SLC4A4: variants seen among roughly 807,000 people sequenced by gnomAD.
SLC4A4 encodes the protein solute carrier family 4 member 4, also known as electrogenic sodium bicarbonate cotransporter 1.
SLC4A4 carries 27 observed loss-of-function variants against 111.5 expected under a neutral mutation model. The observed-to-expected ratio is 0.24, with a 90% CI of 0.18 to 0.33. The LOEUF is 0.33. Among genes scored for constraint, SLC4A4 ranks in the 10% least tolerant of loss-of-function variants. The pLI, the probability that SLC4A4 is intolerant of heterozygous loss-of-function variation, is 1.00. For synonymous variants in SLC4A4, 443 were observed against 463.4 expected, an observed-to-expected ratio of 0.96 and a Z score of 0.57; for missense variants, 909 against 1,315.5, an observed-to-expected ratio of 0.69 and a Z score of 4.78.
In SLC4A4 at chr4:71,198,203, A is replaced by G. The variant is rs554263051; in HGVS notation, c.-2+10802A>G. Among the ~76,000 whole-genome samples, 5 of 152,324 alleles carry G rather than the reference A, an allele frequency of 3.3e-5. No individual in the cohort carries two copies. The South Asian group carries it at 1.0e-3, about 32-fold the overall frequency. The stretch of plus-strand genomic sequence containing the variant: ...GTTAGGTGCATGTCATTACCTTACA[A>G]TATATGTGAAAGCACAATATATTGA... On this transcript the variant is annotated intron_variant, in intron 1 of 25. Transcript: ENST00000264485.
chr4:71,411,847 G>A (rs1706333388), intron 7 of SLC4A4, among the ~76,000 whole-genome samples: 1 of 152,166 alleles, frequency 6.6e-6, no homozygotes, highest in Admixed American at 6.5e-5. Flanking sequence ...GCCTAGTGAT[G>A]TTGCTGTAAG....
rs767494876 is a variant in SLC4A4 at position 71,138,845 on chromosome 4, C to A, written c.-2+46053C>A. 4.0e-5 allele frequency among the ~76,000 whole-genome samples: 6 copies of A among 151,842 alleles called. No individual in the cohort carries two copies. In the South Asian group the frequency reaches 6.3e-4, roughly 16 times the overall value. On this transcript the variant is annotated intron_variant, in intron 2 of 26. Transcript: ENST00000649996. ...AGGTCAGGAGATTGAGACCATTCTGCCTAACACGGTGAAACCCTGTCTCTA... is the reference window on the plus strand; with the variant it reads ...AGGTCAGGAGATTGAGACCATTCTGACTAACACGGTGAAACCCTGTCTCTA...
chr4:71,119,013 A>G (rs1318774683), intron 2 of SLC4A4, among the ~76,000 whole-genome samples: 1 of 150,446 alleles, frequency 6.6e-6, no homozygotes, highest in Non-Finnish European at 1.5e-5. Context: ...GTCTAAACCC[A>G]TAGCAAGCAT....
intron 3 of SLC4A4, among the ~76,000 whole-genome samples, chr4:71,280,501 A>C (rs1049262744): frequency 2.6e-5 from 4 of 152,100 alleles, no homozygotes; most frequent in Admixed American, 2.6e-4. Flanking sequence ...TTTTGTTTTC[A>C]TCTAGGAGTT....
intron 3 of SLC4A4, among the ~76,000 whole-genome samples, chr4:71,295,677 T>TTA (rs1560386577): frequency 4.0e-5 from 6 of 151,784 alleles, no homozygotes; most frequent in African/African-American, 1.2e-4. Flanking sequence ...TCTTTTTTTT[T>TTA]ACATGGAGTC....
At chr4:71,074,515 CA>C in intron 1 of SLC4A4, among the ~76,000 whole-genome samples, 1 of 151,420 alleles carries the variant, frequency 6.6e-6, no homozygotes, top group Non-Finnish European at 1.5e-5. Context: ...CAAGGTCTTT[CA>C]AAAAAGCAGT....
intron 1 of SLC4A4, among the ~76,000 whole-genome samples, chr4:71,084,642 A>T (rs1742102981): frequency 6.6e-6 from 1 of 151,990 alleles, no homozygotes; most frequent in Non-Finnish European, 1.5e-5. Context: ...CCTCTGAGTA[A>T]GAACATGCGG....
chr4:71,418,862 G>T (rs1180295313), intron 7 of SLC4A4, among the ~76,000 whole-genome samples: 1 of 152,124 alleles, frequency 6.6e-6, no homozygotes, highest in African/African-American at 2.4e-5. Context: ...ATGTACAGAC[G>T]GGTTTTTGGT....
At chr4:71,293,404 A>T (rs1216212581) in intron 3 of SLC4A4, among the ~76,000 whole-genome samples, 1 of 151,592 alleles carries the variant, frequency 6.6e-6, no homozygotes, top group Non-Finnish European at 1.5e-5. Context: ...CTCTACTAAA[A>T]ATACCAAAAT....
intron 2 of SLC4A4, among the ~76,000 whole-genome samples, chr4:71,102,135 A>G (rs1409883532): frequency 6.6e-6 from 1 of 152,200 alleles, no homozygotes; most frequent in Non-Finnish European, 1.5e-5. Flanking sequence ...CAGAAGCCTC[A>G]GGAGCAGATG....
At chr4:71,249,118 A>C (rs1327613232) in intron 2 of SLC4A4, among the ~76,000 whole-genome samples, 2 of 152,094 alleles carry the variant, frequency 1.3e-5, no homozygotes, top group East Asian at 3.9e-4. Context: ...GGTTGCCTTG[A>C]GGATTTCTGG....
chr4:71,392,590 G>A (rs926179363), intron 6 of SLC4A4, among the ~76,000 whole-genome samples: 22 of 152,074 alleles, frequency 1.4e-4, no homozygotes, highest in African/African-American at 4.1e-4. Flanking sequence ...TTGGTCAGGC[G>A]TATTCAAAGA....
At chr4:71,069,460 T>G (rs1294841188) in intron 1 of SLC4A4, among the ~76,000 whole-genome samples, 1 of 152,174 alleles carries the variant, frequency 6.6e-6, no homozygotes, top group Admixed American at 6.5e-5. Context: ...TTGATAACAC[T>G]CTTGACAGGC....
intron 5 of SLC4A4, among the ~76,000 whole-genome samples, chr4:71,356,613 T>C (rs1339612253): frequency 6.6e-6 from 1 of 152,228 alleles, no homozygotes; most frequent in African/African-American, 2.4e-5. Context: ...ATCTCATTAC[T>C]TTTAATTTTC....
intron 3 of SLC4A4, among the ~76,000 whole-genome samples, chr4:71,262,280 A>T (rs2149069413): frequency 6.6e-6 from 1 of 152,330 alleles, no homozygotes; most frequent in Admixed American, 6.5e-5. Context: ...TCAGGGCTTT[A>T]TGAGTGTGAA....
At chr4:71,531,826 GAA>G (rs5859267) in intron 16 of SLC4A4, among the ~76,000 whole-genome samples, 3,248 of 147,714 alleles carry the variant, frequency 0.022, 82 homozygotes, top group Middle Eastern at 0.029. Flanking sequence ...GAGAGAGAGA[GAA>G]AGAGCGAGCG....
At chr4:71,173,814 A>G (rs192053516) in intron 2 of SLC4A4, among the ~76,000 whole-genome samples, 1 of 152,350 alleles carries the variant, frequency 6.6e-6, no homozygotes, top group African/African-American at 2.4e-5. Context: ...GGGAGTTCTG[A>G]TAGACATATA....
intron 4 of SLC4A4, among the ~76,000 whole-genome samples, chr4:71,340,466 A>G (rs1002775577): frequency 7.9e-5 from 12 of 152,192 alleles, no homozygotes; most frequent in South Asian, 4.1e-4. Context: ...TAATTTACAA[A>G]TTAAACTTTA....
intron 7 of SLC4A4, among the ~76,000 whole-genome samples, chr4:71,424,590 C>T (rs1038020938): frequency 1.3e-5 from 2 of 151,944 alleles, no homozygotes; most frequent in African/African-American, 4.8e-5. Context: ...TGGAACCAAC[C>T]CAAATGTCCA....
Sources: gnomAD v4.1 joint callset for allele counts (sites outside exome capture counted in the v4.1 genomes callset) on GRCh38, gnomAD v4.1.1 for gene constraint, MANE v1.5 for transcripts, NCBI Gene and HGNC (gene_info 2026-07-23, HGNC 2026-07-21) for gene names.